The following SEC31A variants were observed in gnomAD, a reference collection of about 807,000 sequenced individuals.
The protein encoded by SEC31A is protein transport protein Sec31A.
SEC31A carries 70 observed loss-of-function variants against 151.0 expected under a neutral mutation model. The observed-to-expected ratio is 0.46, with a 90% CI of 0.38 to 0.57. SEC31A has a LOEUF of 0.57. Ranked by LOEUF, SEC31A falls within the 20% of genes least tolerant of loss-of-function variation. The pLI is 0.00. For missense variants in SEC31A, 1,330 were observed against 1,471.2 expected (o/e 0.90, Z 1.57); for synonymous variants, 475 against 505.9 (o/e 0.94, Z 0.82).
intron 20 of SEC31A, among the ~76,000 whole-genome samples, chr4:82,846,805 C>T (rs1453233087): frequency 6.6e-6 from 1 of 152,104 alleles, no homozygotes; most frequent in African/African-American, 2.4e-5. Flanking sequence ...ACCTCCGCCT[C>T]CCGGGTTCAA....
At position 82,842,265 on chromosome 4, in the gene SEC31A, G is replaced by T; in HGVS notation, c.2843C>A (p.Ser948Tyr). ...GCCATGCTGGAAGGATGCTCCAGAG[G>T]AAGGGGGAGGAGGGAAAGAAGTAGC... ...SPATSFPPPPSSGASFQHGGP... is the reference protein window; with the variant it reads ...SPATSFPPPPYSGASFQHGGP... The change falls in exon 22 of 27, where the codon TCC becomes TAC. Residue 948 changes from serine (S) to tyrosine (Y), a missense_variant. Transcript: ENST00000395310. 3 of 1,614,060 alleles carry T rather than the reference G, an allele frequency of 1.9e-6. No individual in the cohort carries two copies. Among genetic ancestry groups the T allele is most frequent in the Non-Finnish European group, 2.5e-6 (3 of 1,179,972 alleles).
chr4:82,819,188 T>C lies in SEC31A; in HGVS notation c.3549A>G (p.Ser1183=). 6.2e-7 allele frequency: 1 copy of C among 1,612,352 alleles called. No homozygotes were observed. The highest frequency in any genetic ancestry group is 8.5e-7 in the Non-Finnish European group (1 of 1,179,176). Residue 1183 remains serine (S), a synonymous_variant, in exon 27 of 27, where the codon TCA becomes TCG. Coordinates refer to ENST00000395310, the MANE Select transcript of SEC31A (RefSeq NM_001077207.4). ...TGTGGGTATGCATGGTCAATCCTTC[T>C]GAGTAGTTTCGAGTTTCAATGCTCC... The part of the protein sequence containing the change: ...IARSIETRNY[S]EGLTMHTHIV...
chr4:82,894,907 T>C (rs184419852), upstream of SEC31A: 4 of 152,354 alleles, frequency 2.6e-5, no homozygotes, highest in Admixed American at 2.0e-4. Flanking sequence ...AATTTTGAAA[T>C]CCATGCATAG....
intron 2 of SEC31A, among the ~76,000 whole-genome samples, chr4:82,881,130 T>A (rs1010702970): frequency 1.3e-5 from 2 of 152,290 alleles, no homozygotes; most frequent in South Asian, 2.1e-4. Context: ...GTGTAAATAA[T>A]TTTTTAAGCC....
chr4:82,893,791 A>G (rs552806904), upstream of SEC31A: 1 of 152,402 alleles, frequency 6.6e-6, no homozygotes, highest in East Asian at 1.9e-4. Flanking sequence ...GCTCTATAGC[A>G]TTCAAGACAC....
chr4:82,819,091 T>C lies in SEC31A; in HGVS notation c.3646A>G (p.Asn1216Asp). Residue 1216 changes from asparagine (N) to aspartate (D), a missense_variant, in exon 27 of 27, where the codon AAT (asparagine) becomes GAT (aspartate). Coordinates refer to ENST00000395310, the MANE Select transcript of SEC31A (RefSeq NM_001077207.4). ...CTGTCCTTTTAGACACCCAGCTTATTGGCCTGGGTGAGAACAACTTTGAGA... is the reference window on the plus strand; with the variant it reads ...CTGTCCTTTTAGACACCCAGCTTATCGGCCTGGGTGAGAACAACTTTGAGA... ...PVLKVVLTQA[N>D]KLGV 6.2e-7 allele frequency: 1 copy of C among 1,603,704 alleles called. No homozygotes were observed. The highest frequency in any genetic ancestry group is 8.5e-7 in the Non-Finnish European group (1 of 1,176,368).
At chr4:82,828,958 A>G (rs976075486) in intron 23 of SEC31A, 42 bp downstream of exon 23, 1 of 1,536,044 alleles carries the variant, frequency 6.5e-7, no homozygotes, top group South Asian at 1.1e-5. Context: ...CGTGGTTAAC[A>G]TAACATCTGT....
chr4:82,873,287 G>A (rs1737161595), intron 6 of SEC31A, among the ~76,000 whole-genome samples: 1 of 151,864 alleles, frequency 6.6e-6, no homozygotes, highest in Admixed American at 6.6e-5. Context: ...GAACCCAGGA[G>A]GCGGAGGTTG....
chr4:82,867,425 T>C (rs1735651187), intron 8 of SEC31A, 109 bp from the exon 9 acceptor site: 2 of 898,854 alleles, frequency 2.2e-6, no homozygotes, highest in Non-Finnish European at 3.3e-6. Context: ...TGAATATTTT[T>C]TTGTAGAAAG....
At chr4:82,860,399 CAT>C (rs1410449972) in intron 14 of SEC31A, among the ~76,000 whole-genome samples, 1 of 152,166 alleles carries the variant, frequency 6.6e-6, no homozygotes, top group African/African-American at 2.4e-5. Context: ...TTTGATAATA[CAT>C]AGTCTAGTTG....
intron 8 of SEC31A, 29 bp downstream of exon 8, chr4:82,870,296 C>A (rs1167108286): frequency 1.3e-6 from 2 of 1,553,022 alleles, no homozygotes; most frequent in Middle Eastern, 1.7e-4. Context: ...ATAAGGGCTA[C>A]AAGGTTGAGA....
chr4:82,859,698 A>C (rs1733623043), intron 14 of SEC31A, among the ~76,000 whole-genome samples: 2 of 152,188 alleles, frequency 1.3e-5, no homozygotes, highest in South Asian at 4.1e-4. Flanking sequence ...GAATTTAAAA[A>C]CTAAAAGAAA....
chr4:82,828,225 T>C (rs1323856668), intron 23 of SEC31A, among the ~76,000 whole-genome samples: 18 of 152,164 alleles, frequency 1.2e-4, no homozygotes. Flanking sequence ...GTATCAGGTC[T>C]GGAGAACTGT....
chr4:82,868,754 GGC>G (rs1363683167), intron 8 of SEC31A, among the ~76,000 whole-genome samples: 1 of 151,950 alleles, frequency 6.6e-6, no homozygotes, highest in Non-Finnish European at 1.5e-5. Context: ...GGAGTGCAGT[GGC>G]GCAATCACAG....
chr4:82,884,798 G>A (rs1275386900), intron 1 of SEC31A, among the ~76,000 whole-genome samples: 1 of 151,922 alleles, frequency 6.6e-6, no homozygotes, highest in Non-Finnish European at 1.5e-5. Flanking sequence ...CTGTTTTCAG[G>A]GCCTAGAGCT....
intron 23 of SEC31A, 105 bp from the exon 24 acceptor site, chr4:82,827,737 A>T: frequency 9.4e-7 from 1 of 1,069,276 alleles, no homozygotes; most frequent in Non-Finnish European, 1.4e-6. Context: ...GGCTAAACAA[A>T]TTTTTTAATA....
chr4:82,824,391 G>A (rs1016664310), intron 25 of SEC31A, among the ~76,000 whole-genome samples, 164 bp downstream of exon 25: 2 of 152,104 alleles, frequency 1.3e-5, no homozygotes, highest in African/African-American at 2.4e-5. Context: ...TTGTAGTAGA[G>A]ACGGGGTTTT....
At chr4:82,867,048 A>G in intron 9 of SEC31A, 88 bp from the exon 10 acceptor site, 3 of 1,549,892 alleles carry the variant, frequency 1.9e-6, no homozygotes. Context: ...TTTGATCACA[A>G]TTGTCCAATT....
intron 26 of SEC31A, among the ~76,000 whole-genome samples, chr4:82,820,292 C>A (rs1027618484): frequency 6.6e-6 from 1 of 151,692 alleles, no homozygotes; most frequent in Admixed American, 6.6e-5. Context: ...TTGGATCAGT[C>A]CAAGGACCAC....
Sources: gnomAD v4.1 joint callset for allele counts (sites outside exome capture counted in the v4.1 genomes callset) on GRCh38, gnomAD v4.1.1 for gene constraint, MANE v1.5 for transcripts, NCBI Gene and HGNC (gene_info 2026-07-23, HGNC 2026-07-21) for gene names.